GSG1L: variants seen among roughly 807,000 people sequenced by gnomAD.
The protein encoded by GSG1L is germ cell-specific gene 1-like protein.
In GSG1L, 24 loss-of-function variants were observed where a neutral mutation model predicts 42.1. That is an observed-to-expected ratio of 0.57 (90% CI 0.41 to 0.80). GSG1L has a LOEUF of 0.80. Ranked by LOEUF, GSG1L falls within the 30% of genes least tolerant of loss-of-function variation. GSG1L has a pLI of 0.00. For missense variants in GSG1L, 445 were observed against 472.2 expected, an observed-to-expected ratio of 0.94 and a Z score of 0.53; for synonymous variants, 215 against 203.5, an observed-to-expected ratio of 1.06 and a Z score of -0.48.
chr16:28,023,793 G>A lies in GSG1L; in HGVS notation c.349+39283C>T, dbSNP rs146363927. Among the ~76,000 whole-genome samples the A allele has an allele frequency of 1.3e-3, 198 of 152,318 alleles. 1 individual carries two copies. Among genetic ancestry groups the A allele is most frequent in the African/African-American group, 4.5e-3 (188 of 41,580 alleles). ...TAATCCCAGCACTTTGGGAGACCAA[G>A]GTGGGAGGATCGCTTGAGCCAAGGA... On this transcript the variant is annotated intron_variant, in intron 1 of 6. Coordinates refer to ENST00000447459, the MANE Select transcript of GSG1L (RefSeq NM_001109763.2).
intron 2 of GSG1L, among the ~76,000 whole-genome samples, chr16:27,951,243 G>A (rs1429231639): frequency 1.3e-5 from 2 of 152,192 alleles, no homozygotes; most frequent in African/African-American, 2.4e-5. Flanking sequence ...AGAGCTCCAC[G>A]ATGGAGCAGG....
intron 4 of GSG1L, among the ~76,000 whole-genome samples, chr16:27,841,281 G>A (rs758947721): frequency 3.3e-5 from 5 of 152,128 alleles, no homozygotes; most frequent in Admixed American, 1.3e-4. Flanking sequence ...ACCCTTGACC[G>A]CCCCTCCACG....
intron 3 of GSG1L, among the ~76,000 whole-genome samples, chr16:27,847,780 A>C (rs2083460698): frequency 6.6e-6 from 1 of 151,656 alleles, no homozygotes; most frequent in African/African-American, 2.4e-5. Flanking sequence ...CTCCCGCTTC[A>C]CTCTCTTCCT....
At chr16:28,053,182 C>T (rs1273354316) in intron 1 of GSG1L, among the ~76,000 whole-genome samples, 8 of 152,186 alleles carry the variant, frequency 5.3e-5, no homozygotes. Flanking sequence ...GAGCAGAAGC[C>T]CCACAAATGT....
At chr16:27,955,637 AAAC>A (rs2084993599) in intron 2 of GSG1L, among the ~76,000 whole-genome samples, 1 of 152,156 alleles carries the variant, frequency 6.6e-6, no homozygotes, top group African/African-American at 2.4e-5. Flanking sequence ...AGACAAATAA[AAAC>A]AACATGAGAC....
chr16:27,876,665 G>A (rs1398412032), intron 3 of GSG1L, among the ~76,000 whole-genome samples: 2 of 152,202 alleles, frequency 1.3e-5, no homozygotes, highest in Admixed American at 1.3e-4. Flanking sequence ...TATAGGCAAT[G>A]GAGTGAAGTT....
intron 5 of GSG1L, among the ~76,000 whole-genome samples, chr16:27,825,849 G>A (rs148200275): frequency 3.7e-4 from 57 of 152,214 alleles, no homozygotes; most frequent in African/African-American, 9.2e-4. Flanking sequence ...CCTTGCTGCC[G>A]CCATGTGAAG....
intron 3 of GSG1L, among the ~76,000 whole-genome samples, chr16:27,858,975 A>C (rs1161006721): frequency 1.3e-5 from 2 of 152,120 alleles, no homozygotes; most frequent in Admixed American, 6.5e-5. Flanking sequence ...GGAGGGAGAG[A>C]GCCCCAGATG....
intron 2 of GSG1L, among the ~76,000 whole-genome samples, chr16:27,949,058 C>T (rs2084921532): frequency 6.6e-6 from 1 of 151,818 alleles, no homozygotes; most frequent in East Asian, 1.9e-4. Flanking sequence ...GCTGGGACTA[C>T]AGGCACGTGC....
intron 2 of GSG1L, among the ~76,000 whole-genome samples, chr16:27,919,519 C>T (rs1176375383): frequency 6.6e-6 from 1 of 152,244 alleles, no homozygotes; most frequent in Non-Finnish European, 1.5e-5. Context: ...GCAAACACCC[C>T]TCTGACTTGG....
intron 2 of GSG1L, among the ~76,000 whole-genome samples, chr16:27,947,748 G>A (rs1379369343): frequency 2.0e-5 from 3 of 152,114 alleles, no homozygotes; most frequent in African/African-American, 4.8e-5. Context: ...CTTAAGGACC[G>A]GTATGCAGGA....
intron 2 of GSG1L, among the ~76,000 whole-genome samples, chr16:27,916,337 A>T (rs1020946212): frequency 4.0e-5 from 6 of 151,776 alleles, no homozygotes; most frequent in Admixed American, 2.0e-4. Context: ...TTTTTTAGAG[A>T]CAGAGTCTTG....
At chr16:27,853,933 A>G (rs929114396) in intron 3 of GSG1L, among the ~76,000 whole-genome samples, 14 of 152,138 alleles carry the variant, frequency 9.2e-5, no homozygotes, top group African/African-American at 2.9e-4. Flanking sequence ...GGCTGCCAGC[A>G]TTCCCTGTTC....
chr16:27,912,852 G>C (rs1468855639), intron 2 of GSG1L, among the ~76,000 whole-genome samples: 1 of 152,190 alleles, frequency 6.6e-6, no homozygotes, highest in Non-Finnish European at 1.5e-5. Context: ...CAACTAAATG[G>C]TTATCGACAG....
chr16:27,945,981 C>T (rs1026423541), intron 2 of GSG1L, among the ~76,000 whole-genome samples: 2 of 152,226 alleles, frequency 1.3e-5, no homozygotes, highest in African/African-American at 2.4e-5. Context: ...CAGGCCCTGA[C>T]AGCTGTGAGC....
intron 1 of GSG1L, among the ~76,000 whole-genome samples, chr16:27,972,203 C>A (rs1225349111): frequency 6.6e-6 from 1 of 152,246 alleles, no homozygotes; most frequent in Non-Finnish European, 1.5e-5. Context: ...ATTTCTGCTA[C>A]ATGGACAAGG....
chr16:27,887,398 C>T (rs552988327), intron 2 of GSG1L, among the ~76,000 whole-genome samples: 1 of 152,206 alleles, frequency 6.6e-6, no homozygotes, highest in Non-Finnish European at 1.5e-5. Context: ...AGATTGCGTC[C>T]TGATGACATT....
intron 5 of GSG1L, among the ~76,000 whole-genome samples, chr16:27,823,034 C>A (rs773989317): frequency 2.6e-5 from 4 of 152,166 alleles, no homozygotes; most frequent in Non-Finnish European, 5.9e-5. Context: ...GGGATCCAAT[C>A]CAACAGGTCT....
intron 3 of GSG1L, among the ~76,000 whole-genome samples, chr16:27,859,835 C>G (rs2083621588): frequency 6.6e-6 from 1 of 151,638 alleles, no homozygotes; most frequent in South Asian, 2.1e-4. Flanking sequence ...ACCACCATGC[C>G]CAGCTATTTT....
Sources: allele counts gnomAD v4.1 joint callset (sites outside exome capture counted in the v4.1 genomes callset), GRCh38; gene constraint gnomAD v4.1.1; transcripts MANE v1.5; gene names NCBI Gene and HGNC (gene_info 2026-07-23, HGNC 2026-07-21).